The following SORCS3 variants were observed in gnomAD, a reference collection of about 807,000 sequenced individuals.
SORCS3 encodes sortilin related VPS10 domain containing receptor 3.
A neutral mutation model predicts 146.3 loss-of-function variants in SORCS3; 57 were observed. The ratio of observed to expected loss-of-function variants is 0.39; its 90% CI spans 0.31 to 0.49. The LOEUF (loss-of-function observed/expected upper bound fraction) is 0.49. Ranked by LOEUF, SORCS3 falls within the 20% of genes least tolerant of loss-of-function variation. SORCS3 has a pLI of 0.92. For missense variants in SORCS3, 1,341 were observed against 1,575.5 expected, an observed-to-expected ratio of 0.85 and a Z score of 2.52; for synonymous variants, 653 against 618.5, an observed-to-expected ratio of 1.06 and a Z score of -0.83.
In SORCS3 at chr10:104,747,548, T is replaced by C. The variant is rs147000259; in HGVS notation, c.628-95244T>C. Reference sequence around the variant, plus strand: ...ATGCATGGAGTTCCTGGAGAGTTAATGAGAGGCTAATCTAACCTGTAGATT... The same window carrying C: ...ATGCATGGAGTTCCTGGAGAGTTAACGAGAGGCTAATCTAACCTGTAGATT... On this transcript the variant is annotated intron_variant, in intron 1 of 26. Transcript: ENST00000369701. 1.1e-4 allele frequency among the ~76,000 whole-genome samples: 17 copies of C among 152,290 alleles called. No homozygotes were observed. In the East Asian group the frequency reaches 3.3e-3, roughly 29 times the overall value.
At chr10:104,868,507 G>A (rs529626732) in intron 2 of SORCS3, among the ~76,000 whole-genome samples, 1 of 152,282 alleles carries the variant, frequency 6.6e-6, no homozygotes, top group South Asian at 2.1e-4. Flanking sequence ...GATAGAGACC[G>A]CTTTAATCAA....
chr10:104,696,028 CATATAAT>C lies in SORCS3; in HGVS notation c.627+54087_627+54093del, dbSNP rs1430524652. On this transcript the variant is annotated intron_variant, in intron 1 of 26. Transcript: ENST00000369701. ...ATATATATAATATATATCATATACA[CATATAAT>C]ATATAATATATATCATATACACATA... Among the ~76,000 whole-genome samples the C allele has an allele frequency of 2.6e-3, 337 of 131,120 alleles. 1 individual carries two copies. Among genetic ancestry groups the C allele is most frequent in the African/African-American group, 9.0e-3 (308 of 34,372 alleles). 86.0% of individuals were successfully genotyped at this position (131,120 alleles called of 152,430 possible).
chr10:105,238,921 A>T (rs543076144), intron 20 of SORCS3, among the ~76,000 whole-genome samples: 3 of 152,156 alleles, frequency 2.0e-5, no homozygotes, highest in Non-Finnish European at 4.4e-5. Context: ...TTTCTCCTTT[A>T]AAAACACACA....
chr10:105,014,567 A>G (rs1255121685), intron 4 of SORCS3, among the ~76,000 whole-genome samples: 1 of 152,210 alleles, frequency 6.6e-6, no homozygotes, highest in African/African-American at 2.4e-5. Flanking sequence ...GTATAAAGAA[A>G]TATTATAAGT....
At chr10:104,837,794 C>T (rs969016271) in intron 1 of SORCS3, among the ~76,000 whole-genome samples, 1 of 152,148 alleles carries the variant, frequency 6.6e-6, no homozygotes, top group Non-Finnish European at 1.5e-5. Context: ...ATGATAAACT[C>T]CTTGAGGGCA....
chr10:104,739,663 G>A (rs190147752), intron 1 of SORCS3, among the ~76,000 whole-genome samples: 1,720 of 152,274 alleles, frequency 0.011, 26 homozygotes, highest in African/African-American at 0.039. Flanking sequence ...CTCTTAAATT[G>A]AAGTCCTCTC....
chr10:105,122,472 T>C (rs2055940470), intron 7 of SORCS3, among the ~76,000 whole-genome samples: 1 of 152,228 alleles, frequency 6.6e-6, no homozygotes, highest in Non-Finnish European at 1.5e-5. Flanking sequence ...ATGTACCCAG[T>C]ACTGTGACTG....
At chr10:105,134,633 C>T (rs1437339518) in intron 7 of SORCS3, among the ~76,000 whole-genome samples, 2 of 151,934 alleles carry the variant, frequency 1.3e-5, no homozygotes, top group Non-Finnish European at 2.9e-5. Context: ...GAGGAAGAAG[C>T]CCTCATGGCC....
chr10:105,258,985 A>AT (rs923461485), intron 25 of SORCS3, among the ~76,000 whole-genome samples: 3 of 151,888 alleles, frequency 2.0e-5, no homozygotes, highest in East Asian at 1.9e-4. Context: ...ATTTTCTTTT[A>AT]TTTTTTTGGT....
At chr10:104,737,497 T>A (rs540121118) in intron 1 of SORCS3, among the ~76,000 whole-genome samples, 3 of 152,326 alleles carry the variant, frequency 2.0e-5, no homozygotes, top group South Asian at 4.1e-4. Flanking sequence ...GGTATCTCAT[T>A]GTGGTTTTGA....
chr10:105,247,299 A>G lies in SORCS3; in HGVS notation c.3073A>G (p.Ile1025Val). ...TGACATTCCTGAGTGGAGAAAAGATATTGGCAATGTCATCAAGCGAGCTCT... is the reference window on the plus strand; with the variant it reads ...TGACATTCCTGAGTGGAGAAAAGATGTTGGCAATGTCATCAAGCGAGCTCT... ...NPDIPEWRKD[I>V]GNVIKRALVK... The change falls in exon 22 of 27, where the codon ATT becomes GTT. Residue 1025 changes from isoleucine (I) to valine (V), a missense_variant. Coordinates refer to ENST00000369701, the MANE Select transcript of SORCS3 (RefSeq NM_014978.3). 1 of 1,611,622 alleles carries G rather than the reference A, an allele frequency of 6.2e-7. No homozygotes were observed. The highest frequency in any genetic ancestry group is 8.5e-7 in the Non-Finnish European group (1 of 1,177,924).
intron 4 of SORCS3, among the ~76,000 whole-genome samples, chr10:105,037,606 G>T (rs907519865): frequency 2.6e-5 from 4 of 152,008 alleles, no homozygotes; most frequent in Non-Finnish European, 5.9e-5. Context: ...CTTTACGTAG[G>T]ATTCCCTGTC....
intron 7 of SORCS3, 108 bp downstream of exon 7, chr10:105,105,623 G>C (rs17118359): frequency 1.3e-5 from 10 of 777,096 alleles, no homozygotes; most frequent in Non-Finnish European, 2.3e-5. Flanking sequence ...GTGGAGTTGA[G>C]ACACTGTCCC....
intron 1 of SORCS3, among the ~76,000 whole-genome samples, chr10:104,739,958 A>G (rs1338334960): frequency 6.6e-6 from 1 of 152,222 alleles, no homozygotes; most frequent in East Asian, 1.9e-4. Flanking sequence ...TGTAGTAAGT[A>G]TGCAAGGAGA....
At chr10:105,247,481 C>T (rs540568562) in intron 22 of SORCS3, 150 bp downstream of exon 22, 18 of 512,260 alleles carry the variant, frequency 3.5e-5, no homozygotes, top group Admixed American at 7.2e-5. Flanking sequence ...TGGGTGCAGT[C>T]GCTCACACCT....
intron 22 of SORCS3, among the ~76,000 whole-genome samples, chr10:105,248,672 G>A (rs907687870): frequency 3.6e-5 from 5 of 139,626 alleles, no homozygotes; most frequent in African/African-American, 8.1e-5. Flanking sequence ...GAGATATTGC[G>A]CCACTGCACT....
chr10:104,734,099 T>G (rs1257570625), intron 1 of SORCS3, among the ~76,000 whole-genome samples: 1 of 152,186 alleles, frequency 6.6e-6, no homozygotes, highest in Non-Finnish European at 1.5e-5. Flanking sequence ...TGAGTAGATG[T>G]ATGTTGGGTT....
intron 5 of SORCS3, among the ~76,000 whole-genome samples, chr10:105,069,907 C>T (rs189718444): frequency 2.6e-5 from 4 of 152,128 alleles, no homozygotes; most frequent in East Asian, 1.9e-4. Context: ...AAGTCTCCCC[C>T]GCCCCGATCC....
intron 1 of SORCS3, among the ~76,000 whole-genome samples, chr10:104,669,256 G>T (rs1342816052): frequency 6.6e-6 from 1 of 152,148 alleles, no homozygotes; most frequent in African/African-American, 2.4e-5. Context: ...TAACATAAAA[G>T]TTTACCATCT....
Sources: allele counts gnomAD v4.1 joint callset (sites outside exome capture counted in the v4.1 genomes callset), GRCh38; gene constraint gnomAD v4.1.1; transcripts MANE v1.5; gene names NCBI Gene and HGNC (gene_info 2026-07-23, HGNC 2026-07-21).